MYO3B: variants seen among roughly 807,000 people sequenced by gnomAD.
The protein encoded by MYO3B is myosin-IIIb.
A neutral mutation model predicts 174.6 loss-of-function variants in MYO3B; 156 were observed. That is an observed-to-expected ratio of 0.89 (90% CI 0.78 to 1.02). The LOEUF is 1.02. Ranked by LOEUF, MYO3B falls within the 50% of genes least tolerant of loss-of-function variation. MYO3B has a pLI of 0.00. For synonymous variants in MYO3B, 563 were observed against 569.1 expected, an observed-to-expected ratio of 0.99 and a Z score of 0.15; for missense variants, 1,632 against 1,639.4, an observed-to-expected ratio of 1.00 and a Z score of 0.08.
At chr2:170,202,003 A>G (rs558032483) in intron 3 of MYO3B, among the ~76,000 whole-genome samples, 3 of 152,320 alleles carry the variant, frequency 2.0e-5, no homozygotes, top group Non-Finnish European at 2.9e-5. Flanking sequence ...CCTCCATGCA[A>G]CCAGGCAGGC....
intron 1 of MYO3B, among the ~76,000 whole-genome samples, chr2:170,188,928 T>C (rs2092505282): frequency 6.6e-6 from 1 of 152,226 alleles, no homozygotes. Flanking sequence ...TCTGTGTGCT[T>C]ACTATTGCCA....
chr2:170,404,226 TCACAATC>T lies in MYO3B; in HGVS notation c.2278-18_2278-12del. The T allele has an allele frequency of 6.3e-7, 1 of 1,581,936 alleles. No individual in the cohort carries two copies. The highest frequency in any genetic ancestry group is 8.6e-7 in the Non-Finnish European group (1 of 1,163,724). On this transcript the variant is annotated splice_polypyrimidine_tract_variant and intron_variant, in intron 19 of 34. Coordinates refer to ENST00000408978, the MANE Select transcript of MYO3B (RefSeq NM_138995.5). Reference sequence around the variant, plus strand: ...AAGGCTAGTTTTGGGCTGGAGAGAATCACAATCCATTTCCCTCCAGATGGAATATCAG... The same window carrying T: ...AAGGCTAGTTTTGGGCTGGAGAGAATCATTTCCCTCCAGATGGAATATCAG...
chr2:170,499,224 C>T (rs1687068037), intron 26 of MYO3B, among the ~76,000 whole-genome samples: 1 of 152,210 alleles, frequency 6.6e-6, no homozygotes, highest in Non-Finnish European at 1.5e-5. Context: ...AACACTGCTC[C>T]TCCTCAGCAG....
chr2:170,497,628 G>A (rs1355436675), intron 25 of MYO3B, among the ~76,000 whole-genome samples: 1 of 129,410 alleles, frequency 7.7e-6, no homozygotes. Context: ...AAAAAAAAAA[G>A]AAATACACAA....
intron 32 of MYO3B, among the ~76,000 whole-genome samples, chr2:170,564,118 T>G (rs754531263): frequency 6.6e-6 from 1 of 152,178 alleles, no homozygotes; most frequent in Non-Finnish European, 1.5e-5. Flanking sequence ...CCTTGGGTCC[T>G]TCTTCATGAG....
chr2:170,272,007 G>T (rs2093428615), intron 7 of MYO3B, among the ~76,000 whole-genome samples: 1 of 151,066 alleles, frequency 6.6e-6, no homozygotes, highest in Non-Finnish European at 1.5e-5. Flanking sequence ...GTGAGGGACT[G>T]TTATATTTCT....
At chr2:170,370,711 G>T (rs1033337443) in intron 9 of MYO3B, among the ~76,000 whole-genome samples, 2 of 142,472 alleles carry the variant, frequency 1.4e-5, no homozygotes, top group African/African-American at 5.2e-5. Context: ...CGAAGTAAAA[G>T]AAAATACAAA....
intron 32 of MYO3B, among the ~76,000 whole-genome samples, chr2:170,569,962 C>T (rs1692331242): frequency 6.6e-6 from 1 of 151,152 alleles, no homozygotes; most frequent in African/African-American, 2.4e-5. Context: ...CCAGGTCTTT[C>T]TGAAGGACCT....
intron 7 of MYO3B, among the ~76,000 whole-genome samples, chr2:170,280,750 T>TGGTTTTGTC (rs1420355220): frequency 6.6e-6 from 1 of 152,148 alleles, no homozygotes; most frequent in Non-Finnish European, 1.5e-5. Flanking sequence ...CCCCATTGCT[T>TGGTTTTGTC]GGTTTTGTCG....
chr2:170,433,836 A>G (rs1425337402), intron 22 of MYO3B, among the ~76,000 whole-genome samples: 1 of 152,204 alleles, frequency 6.6e-6, no homozygotes, highest in Non-Finnish European at 1.5e-5. Flanking sequence ...CTTTTCTTAC[A>G]ATATATCCCT....
intron 28 of MYO3B, among the ~76,000 whole-genome samples, chr2:170,508,652 C>T (rs1054780657): frequency 1.1e-4 from 16 of 152,166 alleles, no homozygotes; most frequent in African/African-American, 3.9e-4. Context: ...TTCAGTAGAC[C>T]ATGCCCTGCC....
At chr2:170,466,829 C>T (rs1684670704) in intron 25 of MYO3B, 118 bp downstream of exon 25, 1 of 1,009,196 alleles carries the variant, frequency 9.9e-7, no homozygotes, top group African/African-American at 1.6e-5. Context: ...TGGCTAGTTG[C>T]CAGCTACCAT....
At chr2:170,231,935 A>G (rs1402124655) in intron 6 of MYO3B, among the ~76,000 whole-genome samples, 1 of 152,164 alleles carries the variant, frequency 6.6e-6, no homozygotes, top group Non-Finnish European at 1.5e-5. Context: ...AGAGGTCCTG[A>G]GAATATAAGT....
At chr2:170,236,992 A>G (rs561650657) in intron 7 of MYO3B, among the ~76,000 whole-genome samples, 2 of 152,340 alleles carry the variant, frequency 1.3e-5, no homozygotes, top group African/African-American at 2.4e-5. Flanking sequence ...AGGTCTATTT[A>G]TATGCAGATG....
intron 7 of MYO3B, among the ~76,000 whole-genome samples, chr2:170,328,149 G>C (rs559192270): frequency 1.3e-5 from 2 of 151,990 alleles, no homozygotes; most frequent in African/African-American, 4.8e-5. Flanking sequence ...TGATCTGCCC[G>C]CCTCAGCCTC....
intron 8 of MYO3B, among the ~76,000 whole-genome samples, chr2:170,358,935 A>G (rs1300878670): frequency 6.6e-6 from 1 of 152,172 alleles, no homozygotes; most frequent in African/African-American, 2.4e-5. Context: ...TGCATACCCT[A>G]TCTCCTCTGC....
At chr2:170,200,005 C>A in intron 2 of MYO3B, 145 bp from the exon 3 acceptor site, 3 of 581,538 alleles carry the variant, frequency 5.2e-6, no homozygotes, top group Non-Finnish European at 8.3e-6. Flanking sequence ...TCTGAATGTC[C>A]ATTGTTAGAT....
chr2:170,457,889 G>A (rs1219819883), intron 23 of MYO3B, among the ~76,000 whole-genome samples: 7 of 152,074 alleles, frequency 4.6e-5, no homozygotes, highest in Admixed American at 3.3e-4. Context: ...TGAGCAGTTG[G>A]GACTACAGGT....
At chr2:170,360,231 C>T (rs1339140734) in intron 8 of MYO3B, among the ~76,000 whole-genome samples, 1 of 152,070 alleles carries the variant, frequency 6.6e-6, no homozygotes, top group Non-Finnish European at 1.5e-5. Context: ...GGATTTAATT[C>T]AGGGAAGGGT....
Sources: allele counts gnomAD v4.1 joint callset (sites outside exome capture counted in the v4.1 genomes callset), GRCh38; gene constraint gnomAD v4.1.1; transcripts MANE v1.5; gene names NCBI Gene and HGNC (gene_info 2026-07-23, HGNC 2026-07-21).